PCDHA6: variants seen among roughly 807,000 people sequenced by gnomAD.
PCDHA6 encodes protocadherin alpha 6, also known as protocadherin alpha-6.
PCDHA6 carries 55 observed loss-of-function variants against 60.3 expected under a neutral mutation model. The observed-to-expected ratio is 0.91, with a 90% CI of 0.73 to 1.14. The LOEUF is 1.14. Among genes scored for constraint, PCDHA6 ranks in the 50% most tolerant of loss-of-function variants. The pLI, the probability that PCDHA6 is intolerant of heterozygous loss-of-function variation, is 0.00. For missense variants in PCDHA6, 1,327 were observed against 1,256.5 expected (o/e 1.06, Z -0.85); for synonymous variants, 652 against 557.9 (o/e 1.17, Z -2.38).
intron 1 of PCDHA6, chr5:140,969,388 A>G: frequency 6.3e-7 from 1 of 1,595,066 alleles, no homozygotes; most frequent in Non-Finnish European, 8.5e-7. Flanking sequence ...CACATCCCCC[A>G]ATATCCTGTG....
rs2041387990 is a variant in PCDHA6, at chr5:140,850,164, G to T, written c.2394+19679G>T. On this transcript the variant is annotated intron_variant, in intron 1 of 3. Transcript: ENST00000529310. ...CGTGACGCTGCAGGTGTTCGTGCTGGACGAGAACGACAATGCGCCGGCGCT... is the reference window on the plus strand; with the variant it reads ...CGTGACGCTGCAGGTGTTCGTGCTGTACGAGAACGACAATGCGCCGGCGCT... 7 of 1,594,758 alleles carry T rather than the reference G, an allele frequency of 4.4e-6. 1 individual carries two copies. Among genetic ancestry groups the T allele is most frequent in the Non-Finnish European group, 6.0e-6 (7 of 1,167,800 alleles).
chr5:140,916,188 G>A (rs1288181230), intron 1 of PCDHA6, among the ~76,000 whole-genome samples: 2 of 152,208 alleles, frequency 1.3e-5, no homozygotes, highest in East Asian at 3.9e-4. Context: ...TCAAGGAAGT[G>A]GGCACCCCTC....
At chr5:140,882,367 C>G in intron 1 of PCDHA6, 22 of 1,614,228 alleles carry the variant, frequency 1.4e-5, no homozygotes, top group Non-Finnish European at 1.7e-5. Flanking sequence ...AGCTCCACTA[C>G]TCCGTCCCCG....
intron 1 of PCDHA6, chr5:140,883,169 G>C (rs1554177001): frequency 6.2e-7 from 1 of 1,613,950 alleles, no homozygotes; most frequent in Admixed American, 1.7e-5. Flanking sequence ...GAACAATGGA[G>C]AAATTAGGAC....
intron 1 of PCDHA6, chr5:140,857,268 T>C (rs1554149751): frequency 3.1e-6 from 5 of 1,598,704 alleles, no homozygotes; most frequent in Non-Finnish European, 3.4e-6. Flanking sequence ...TACTCATTGG[T>C]GCTGGACAGC....
chr5:140,948,722 A>G (rs2094296449), intron 1 of PCDHA6, among the ~76,000 whole-genome samples: 1 of 151,574 alleles, frequency 6.6e-6, no homozygotes, highest in Admixed American at 6.6e-5. Context: ...TTTTTTATCA[A>G]TAAGTCTAGC....
intron 1 of PCDHA6, among the ~76,000 whole-genome samples, chr5:140,934,191 C>T (rs563342404): frequency 6.6e-6 from 1 of 152,224 alleles, no homozygotes; most frequent in African/African-American, 2.4e-5. Flanking sequence ...ACATACTTTT[C>T]ATTTCTATTT....
chr5:140,912,381 A>G (rs1554195316), intron 1 of PCDHA6, among the ~76,000 whole-genome samples: 2 of 150,140 alleles, frequency 1.3e-5, no homozygotes, highest in African/African-American at 4.9e-5. Context: ...AAAGGGATTG[A>G]GTTCTTAATT....
chr5:140,876,662 T>G (rs782771484), intron 1 of PCDHA6: 23 of 1,614,114 alleles, frequency 1.4e-5, no homozygotes, highest in Non-Finnish European at 1.9e-5. Context: ...CCCTTCAAGC[T>G]GGTGTCCACC....
Position 140,875,692 on chromosome 5 carries a change from C to G in PCDHA6, c.2394+45207C>G, listed in dbSNP as rs781893034. On this transcript the variant is annotated intron_variant, in intron 1 of 3. Coordinates refer to ENST00000529310, the MANE Select transcript of PCDHA6 (RefSeq NM_018909.4). ...GGTGGCGTCCAAAAGACACGGGGAC[C>G]TTCTGGAGGTAAATCTGCAGAATGG... The G allele has an allele frequency of 3.7e-6, 6 of 1,613,938 alleles. No individual in the cohort carries two copies. In the African/African-American group the frequency reaches 5.3e-5, roughly 14 times the overall value.
intron 1 of PCDHA6, among the ~76,000 whole-genome samples, chr5:140,905,438 C>T (rs182288757): frequency 1.5e-4 from 23 of 152,228 alleles, no homozygotes; most frequent in Non-Finnish European, 2.4e-4. Flanking sequence ...TAACTACAGC[C>T]TTTTAGTATA....
chr5:140,855,777 G>T (rs1004478743), intron 1 of PCDHA6: 3 of 402,200 alleles, frequency 7.5e-6, no homozygotes, highest in Non-Finnish European at 1.3e-5. Context: ...ATAAAAATAC[G>T]TAAAAAAAGA....
At chr5:140,955,343 A>G (rs1031411707) in intron 1 of PCDHA6, among the ~76,000 whole-genome samples, 16 of 152,134 alleles carry the variant, frequency 1.1e-4, no homozygotes, top group African/African-American at 3.9e-4. Context: ...TAATCCCCAC[A>G]TGTTGTGAGA....
intron 1 of PCDHA6, chr5:140,876,741 G>C: frequency 6.2e-7 from 1 of 1,614,264 alleles, no homozygotes; most frequent in Non-Finnish European, 8.5e-7. Flanking sequence ...CCTATGAGCT[G>C]GTGGTGACTG....
intron 1 of PCDHA6, chr5:140,967,407 G>A: frequency 6.2e-7 from 1 of 1,613,098 alleles, no homozygotes; most frequent in South Asian, 1.1e-5. Context: ...CTGCGTAAGG[G>A]CCTAGACCGG....
chr5:140,851,679 C>A, intron 1 of PCDHA6: 1 of 915,664 alleles, frequency 1.1e-6, no homozygotes, highest in Non-Finnish European at 1.3e-6. Context: ...AAATTTTCTC[C>A]ATTCAGTGAT....
chr5:140,934,377 G>A (rs1183246116), intron 1 of PCDHA6, among the ~76,000 whole-genome samples: 2 of 152,050 alleles, frequency 1.3e-5, no homozygotes, highest in Non-Finnish European at 2.9e-5. Flanking sequence ...TCCTTCTGTG[G>A]TTCTATGGTG....
intron 1 of PCDHA6, chr5:140,856,606 CA>C: frequency 6.3e-7 from 1 of 1,597,764 alleles, no homozygotes; most frequent in Non-Finnish European, 8.6e-7. Flanking sequence ...ACAAAAAAGA[CA>C]AAGACAAATT....
chr5:140,853,583 T>C lies in PCDHA6; in HGVS notation c.2394+23098T>C, dbSNP rs1298599428. Reference sequence around the variant, plus strand: ...AAAACTAAGTTGTCACCCAATATCTTAGACACTTTGAGAGCAAAGGGGGTG... The same window carrying C: ...AAAACTAAGTTGTCACCCAATATCTCAGACACTTTGAGAGCAAAGGGGGTG... On this transcript the variant is annotated intron_variant, in intron 1 of 3. Transcript: ENST00000529310. 16 of 985,202 alleles carry C rather than the reference T, an allele frequency of 1.6e-5. 2 individuals carry two copies. The highest frequency in any genetic ancestry group is 1.8e-5 in the Non-Finnish European group (15 of 817,512). The allele number at this position is 985,202 out of a possible 1,614,324, so 61.0% of individuals were successfully genotyped here. A position where few individuals can be genotyped will look rare whatever the true frequency, so the allele number is the denominator to read the frequency against.
Sources: gnomAD v4.1 joint callset for allele counts (sites outside exome capture counted in the v4.1 genomes callset) on GRCh38, gnomAD v4.1.1 for gene constraint, MANE v1.5 for transcripts, NCBI Gene and HGNC (gene_info 2026-07-23, HGNC 2026-07-21) for gene names.